XKR4: variants seen among roughly 807,000 people sequenced by gnomAD.
XKR4 encodes XK-related protein 4.
A neutral mutation model predicts 53.9 loss-of-function variants in XKR4; 12 were observed. That is an observed-to-expected ratio of 0.22 (90% confidence interval 0.14 to 0.36). XKR4 has a LOEUF of 0.36. Ranked by LOEUF, XKR4 falls within the 10% of genes least tolerant of loss-of-function variation. XKR4 has a pLI of 1.00. For missense variants in XKR4, 799 were observed against 859.5 expected, an observed-to-expected ratio of 0.93 and a Z score of 0.88; for synonymous variants, 354 against 362.4, an observed-to-expected ratio of 0.98 and a Z score of 0.26.
intron 2 of XKR4, among the ~76,000 whole-genome samples, chr8:55,417,625 T>C (rs74996764): frequency 0.013 from 2,009 of 152,332 alleles, 43 homozygotes; most frequent in African/African-American, 0.045. Flanking sequence ...GCTGGATGTA[T>C]GTGAATCACA....
intron 2 of XKR4, among the ~76,000 whole-genome samples, chr8:55,521,229 A>C (rs1409648769): frequency 6.6e-6 from 1 of 152,244 alleles, no homozygotes; most frequent in African/African-American, 2.4e-5. Flanking sequence ...ATAAGAAGAG[A>C]GATATGAGCG....
At chr8:55,301,445 G>A (rs57967187) in intron 1 of XKR4, among the ~76,000 whole-genome samples, 35,945 of 151,382 alleles carry the variant, frequency 0.24, 4,729 homozygotes, top group East Asian at 0.53. Context: ...GAATAGTGCC[G>A]CAATAAACAT....
rs1162159195 is a variant in XKR4 at position 55,540,119 on chromosome 8, C to G, written c.*15892C>G. On this transcript the variant is annotated 3_prime_UTR_variant, in exon 3 of 3. Transcript: ENST00000327381. The stretch of plus-strand genomic sequence containing the variant: ...CAGACCACATGGAACTCTCCAGAGC[C>G]CTCCTTGAAAGTTTTTAGAAAAACT... The G allele has an allele frequency of 1.3e-5, 2 of 152,162 alleles. No homozygotes were observed. The highest frequency in any genetic ancestry group is 2.9e-5 in the Non-Finnish European group (2 of 68,024). The allele number at this position is 152,162 out of a possible 1,614,324, so 9.4% of individuals were successfully genotyped here.
At chr8:55,143,446 C>G (rs530464213) in intron 1 of XKR4, among the ~76,000 whole-genome samples, 1 of 152,008 alleles carries the variant, frequency 6.6e-6, no homozygotes, top group African/African-American at 2.4e-5. Context: ...GTTGTTTTAC[C>G]TCTTAATAAT....
At chr8:55,148,810 C>T (rs530424241) in intron 1 of XKR4, among the ~76,000 whole-genome samples, 9 of 152,010 alleles carry the variant, frequency 5.9e-5, no homozygotes, top group South Asian at 2.1e-4. Flanking sequence ...ATTTTAAGGT[C>T]GATGTTGTTT....
chr8:55,186,748 C>CT (rs1038781622), intron 1 of XKR4, among the ~76,000 whole-genome samples: 5 of 151,970 alleles, frequency 3.3e-5, no homozygotes, highest in Admixed American at 1.3e-4. Flanking sequence ...AGAATATATA[C>CT]TTTTTTTTCC....
intron 1 of XKR4, among the ~76,000 whole-genome samples, chr8:55,305,139 C>T (rs1004473011): frequency 2.0e-5 from 3 of 152,112 alleles, no homozygotes; most frequent in South Asian, 2.1e-4. Context: ...CAGCCACTGG[C>T]CTTACATAGC....
At chr8:55,482,960 C>T (rs1806133802) in intron 2 of XKR4, among the ~76,000 whole-genome samples, 1 of 152,232 alleles carries the variant, frequency 6.6e-6, no homozygotes, top group East Asian at 1.9e-4. Flanking sequence ...TTACCCTAGG[C>T]ACTTTGCAAA....
At chr8:55,455,292 G>C (rs1805550344) in intron 2 of XKR4, among the ~76,000 whole-genome samples, 1 of 151,624 alleles carries the variant, frequency 6.6e-6, no homozygotes, top group Non-Finnish European at 1.5e-5. Context: ...CCGGGCTCCA[G>C]ACACCATCTT....
chr8:55,332,117 C>CT (rs1367970123), intron 1 of XKR4, among the ~76,000 whole-genome samples: 3 of 151,736 alleles, frequency 2.0e-5, no homozygotes, highest in African/African-American at 7.3e-5. Context: ...TATAGATTTT[C>CT]TTTTTTTGGT....
chr8:55,193,107 A>C lies in XKR4; in HGVS notation c.806+89813A>C, dbSNP rs563895835. Among the ~76,000 whole-genome samples the C allele has an allele frequency of 1.1e-4, 16 of 152,172 alleles. No homozygotes were observed. In the South Asian group the frequency reaches 2.7e-3, roughly 26 times the overall value. On this transcript the variant is annotated intron_variant, in intron 1 of 2. Transcript: ENST00000327381. The stretch of plus-strand genomic sequence containing the variant: ...GACCTTAGGTCTTCGGATGAAAAAA[A>C]TTCAATTATATCGGACTGGGTTAGA...
intron 1 of XKR4, among the ~76,000 whole-genome samples, chr8:55,327,285 TC>T (rs1803308284): frequency 6.6e-6 from 1 of 151,738 alleles, no homozygotes; most frequent in Non-Finnish European, 1.5e-5. Flanking sequence ...CTAGGTTTTC[TC>T]CCCCATTTAG....
intron 1 of XKR4, among the ~76,000 whole-genome samples, chr8:55,226,823 T>C (rs1817959466): frequency 6.6e-6 from 1 of 152,186 alleles, no homozygotes; most frequent in African/African-American, 2.4e-5. Flanking sequence ...GCAGAGTATC[T>C]TCCTCAAACA....
At chr8:55,248,100 C>T (rs1476929101) in intron 1 of XKR4, among the ~76,000 whole-genome samples, 1 of 151,790 alleles carries the variant, frequency 6.6e-6, no homozygotes, top group Non-Finnish European at 1.5e-5. Context: ...CGTGATCCAC[C>T]CACCTTGACC....
At position 55,285,144 on chromosome 8, in the gene XKR4, C is replaced by G. The variant is rs188205411; in HGVS notation, c.807-72534C>G. Among the ~76,000 whole-genome samples the G allele has an allele frequency of 3.3e-5, 5 of 152,324 alleles. No homozygotes were observed. The East Asian group carries it at 9.6e-4, about 29-fold the overall frequency. On this transcript the variant is annotated intron_variant, in intron 1 of 2. Transcript: ENST00000327381. ...GTAAGGGCTTTACTACTTGCTATGT[C>G]TTTAAACAAATCTACTTTTTCTCAA... is the stretch of plus-strand genomic sequence containing the variant.
chr8:55,247,124 C>T (rs4737278), intron 1 of XKR4, among the ~76,000 whole-genome samples: 50,117 of 151,788 alleles, frequency 0.33, 9,989 homozygotes, highest in Middle Eastern at 0.45. Flanking sequence ...ATTTTTAAGC[C>T]AAAGAGGAGA....
At chr8:55,480,169 C>G (rs150637233) in intron 2 of XKR4, among the ~76,000 whole-genome samples, 2 of 152,104 alleles carry the variant, frequency 1.3e-5, no homozygotes, top group Admixed American at 6.5e-5. Flanking sequence ...ACTGGCAAAC[C>G]GAATCCAGCA....
At chr8:55,505,408 A>G (rs1341529118) in intron 2 of XKR4, among the ~76,000 whole-genome samples, 2 of 152,116 alleles carry the variant, frequency 1.3e-5, no homozygotes, top group African/African-American at 4.8e-5. Context: ...TAAAATAGCC[A>G]GGCATGATGG....
intron 1 of XKR4, among the ~76,000 whole-genome samples, chr8:55,265,075 T>C (rs1563496784): frequency 6.6e-6 from 1 of 152,230 alleles, no homozygotes; most frequent in East Asian, 1.9e-4. Context: ...CTAAGATGTC[T>C]GCTTGTGTAT....
Sources: gnomAD v4.1 joint callset for allele counts (sites outside exome capture counted in the v4.1 genomes callset) on GRCh38, gnomAD v4.1.1 for gene constraint, MANE v1.5 for transcripts, NCBI Gene and HGNC (gene_info 2026-07-23, HGNC 2026-07-21) for gene names.